NFIB: variants seen among roughly 807,000 people sequenced by gnomAD.
NFIB encodes nuclear factor 1 B-type.
A neutral mutation model predicts 61.5 loss-of-function variants in NFIB; 11 were observed. The ratio of observed to expected loss-of-function variants is 0.18; its 90% CI spans 0.11 to 0.30. The LOEUF (loss-of-function observed/expected upper bound fraction) is 0.30, where lower values mean the gene tolerates loss of function less well. Ranked by LOEUF, NFIB falls within the 10% of genes least tolerant of loss-of-function variation. NFIB has a pLI of 1.00. For missense variants in NFIB, 471 were observed against 608.9 expected (o/e 0.77, Z 2.38); for synonymous variants, 260 against 216.5 (o/e 1.20, Z -1.76).
the NFIB span, among the ~76,000 whole-genome samples, chr9:14,513,953 A>T: frequency 6.6e-6 from 1 of 152,234 alleles, no homozygotes; most frequent in Admixed American, 6.5e-5. Context: ...AATGCCTATG[A>T]TGCTACTTTT....
intron 2 of NFIB, among the ~76,000 whole-genome samples, chr9:14,197,731 T>C (rs757330839): frequency 6.6e-6 from 1 of 152,192 alleles, no homozygotes; most frequent in Non-Finnish European, 1.5e-5. Flanking sequence ...CTTAGCTGTG[T>C]CAGAAAGTCA....
rs114378179 is a variant in NFIB, at chr9:14,185,782, C to T, written c.563-6002G>A. 6.5e-3 allele frequency among the ~76,000 whole-genome samples: 990 copies of T among 152,282 alleles called. 12 individuals carry two copies. Among genetic ancestry groups the T allele is most frequent in the African/African-American group, 0.023 (940 of 41,550 alleles). ...AAGCCAGGGAAACAGACACACAATT[C>T]CCAGGGCTAAGTCTCTCAGTCTAAT... On this transcript the variant is annotated intron_variant, in intron 2 of 10. Coordinates refer to ENST00000380953, the MANE Select transcript of NFIB (RefSeq NM_001190737.2).
intron 1 of NFIB, among the ~76,000 whole-genome samples, chr9:14,348,678 G>T (rs2061065204): frequency 1.3e-5 from 2 of 152,234 alleles, no homozygotes; most frequent in African/African-American, 4.8e-5. Context: ...ATGGCTCTGG[G>T]GGTGCCACGC....
At chr9:14,350,997 G>C (rs1477895937) in intron 1 of NFIB, among the ~76,000 whole-genome samples, 1 of 152,202 alleles carries the variant, frequency 6.6e-6, no homozygotes, top group African/African-American at 2.4e-5. Context: ...CCAAGCTTTG[G>C]CAAAGGAGAC....
intron 4 of NFIB, among the ~76,000 whole-genome samples, chr9:14,152,553 T>G (rs1025428427): frequency 6.6e-6 from 1 of 152,080 alleles, no homozygotes; most frequent in Non-Finnish European, 1.5e-5. Flanking sequence ...AACAGGAAAC[T>G]TAGAGGTTCC....
chr9:14,196,250 T>C (rs553861945), intron 2 of NFIB, among the ~76,000 whole-genome samples: 1 of 152,262 alleles, frequency 6.6e-6, no homozygotes, highest in Admixed American at 6.5e-5. Flanking sequence ...GGAGGATCTA[T>C]AAGTGAAAGA....
At chr9:14,342,913 T>C (rs1230186011) in intron 1 of NFIB, among the ~76,000 whole-genome samples, 1 of 152,176 alleles carries the variant, frequency 6.6e-6, no homozygotes, top group Non-Finnish European at 1.5e-5. Flanking sequence ...CTAAATGAGT[T>C]TTCTCCCTTC....
chr9:14,459,283 G>A, the NFIB span, among the ~76,000 whole-genome samples: 125,044 of 152,172 alleles, frequency 0.82, 51,598 homozygotes, highest in African/African-American at 0.89. Flanking sequence ...TCTCTATTTC[G>A]TAAATGGTGC....
chr9:14,468,694 G>A, the NFIB span, among the ~76,000 whole-genome samples: 2 of 152,182 alleles, frequency 1.3e-5, no homozygotes, highest in South Asian at 4.1e-4. Context: ...AGATACAGTG[G>A]ATGTATATGA....
chr9:14,145,380 G>A (rs1238987930), intron 6 of NFIB, among the ~76,000 whole-genome samples: 2 of 152,010 alleles, frequency 1.3e-5, no homozygotes, highest in African/African-American at 2.4e-5. Context: ...TTTAGGAATC[G>A]AGCTTTGAGT....
chr9:14,204,429 G>C, intron 2 of NFIB: 1 of 1,145,860 alleles, frequency 8.7e-7, no homozygotes, highest in East Asian at 2.4e-5. Context: ...CCCCGCTATA[G>C]CAGGTTGCAG....
chr9:14,217,469 T>A (rs1313763751), intron 2 of NFIB, among the ~76,000 whole-genome samples: 1 of 152,152 alleles, frequency 6.6e-6, no homozygotes, highest in Non-Finnish European at 1.5e-5. Flanking sequence ...AAGACCAGCC[T>A]GACCAACATG....
At chr9:14,160,234 C>G (rs1343893469) in intron 3 of NFIB, among the ~76,000 whole-genome samples, 3 of 152,088 alleles carry the variant, frequency 2.0e-5, no homozygotes, top group Admixed American at 6.6e-5. Flanking sequence ...ACAAAAGCAA[C>G]AGTAAATCAC....
chr9:14,259,332 T>A (rs2132218067), intron 2 of NFIB, among the ~76,000 whole-genome samples: 1 of 152,360 alleles, frequency 6.6e-6, no homozygotes, highest in East Asian at 1.9e-4. Context: ...TCCAAAGAGC[T>A]ACCTGTAAAT....
the NFIB span, among the ~76,000 whole-genome samples, chr9:14,496,788 T>A: frequency 6.6e-6 from 1 of 152,330 alleles, no homozygotes; most frequent in East Asian, 1.9e-4. Flanking sequence ...TCTTAGCCAA[T>A]AAACACTGGC....
chr9:14,348,376 A>T (rs2061060448), intron 1 of NFIB, among the ~76,000 whole-genome samples: 1 of 150,988 alleles, frequency 6.6e-6, no homozygotes, highest in Admixed American at 6.6e-5. Flanking sequence ...GTGAGTTTAC[A>T]GCCTGAAGCA....
intron 2 of NFIB, among the ~76,000 whole-genome samples, chr9:14,257,619 G>A (rs545340845): frequency 5.3e-5 from 8 of 152,276 alleles, no homozygotes; most frequent in Non-Finnish European, 8.8e-5. Context: ...AGCCGGGCAT[G>A]GTTGCGGGCA....
chr9:14,083,642 C>T lies in NFIB; in HGVS notation c.*4667G>A, dbSNP rs150431502. The stretch of plus-strand genomic sequence containing the variant: ...TGCCAGCAATATTGTAGAGTTGTTT[C>T]ATTAAAAATGAATACTGTACACTGA... On this transcript the variant is annotated 3_prime_UTR_variant, in exon 11 of 11. Coordinates refer to ENST00000380953, the MANE Select transcript of NFIB (RefSeq NM_001190737.2). The T allele has an allele frequency of 1.0e-3, 238 of 227,636 alleles. 2 individuals carry two copies. The East Asian group carries it at 0.014, about 13-fold the overall frequency. The allele number at this position is 227,636 out of a possible 1,614,324, so 14.1% of individuals were successfully genotyped here. A position where few individuals can be genotyped will look rare whatever the true frequency, so the allele number is the denominator to read the frequency against.
exon 1 of NFIB, chr9:14,398,851 A>G (rs2061714336): frequency 9.0e-6 from 4 of 443,724 alleles, no homozygotes; most frequent in South Asian, 7.8e-5. Flanking sequence ...GGTCCTGTAC[A>G]CTCGAGGAGT....
Sources: allele counts gnomAD v4.1 joint callset (sites outside exome capture counted in the v4.1 genomes callset), GRCh38; gene constraint gnomAD v4.1.1; transcripts MANE v1.5; gene names NCBI Gene and HGNC (gene_info 2026-07-23, HGNC 2026-07-21).